The following THSD7B variants were observed in gnomAD, a reference collection of about 807,000 sequenced individuals.
THSD7B encodes the protein thrombospondin type-1 domain-containing protein 7B.
A neutral mutation model predicts 213.6 loss-of-function variants in THSD7B; 138 were observed. That is an observed-to-expected ratio of 0.65 (90% CI 0.56 to 0.74). The LOEUF (loss-of-function observed/expected upper bound fraction) is 0.74. THSD7B is among the 30% of genes least tolerant of loss of function. The pLI, the probability that THSD7B is intolerant of heterozygous loss-of-function variation, is 0.00. For synonymous variants in THSD7B, 742 were observed against 687.0 expected (o/e 1.08, Z -1.25); for missense variants, 1,931 against 1,991.5 (o/e 0.97, Z 0.58).
chr2:137,416,117 A>G (rs776833563), intron 14 of THSD7B, among the ~76,000 whole-genome samples: 1 of 152,156 alleles, frequency 6.6e-6, no homozygotes, highest in African/African-American at 2.4e-5. Context: ...TTTGTCTCCA[A>G]AGTATGTCTT....
At chr2:137,559,813 C>G (rs1045101899) in intron 15 of THSD7B, among the ~76,000 whole-genome samples, 1 of 152,172 alleles carries the variant, frequency 6.6e-6, no homozygotes, top group Non-Finnish European at 1.5e-5. Flanking sequence ...GCAATCTACT[C>G]ATCTGACAAA....
At chr2:137,598,981 C>T (rs1289934931) in intron 17 of THSD7B, among the ~76,000 whole-genome samples, 1 of 150,334 alleles carries the variant, frequency 6.7e-6, no homozygotes, top group African/African-American at 2.5e-5. Flanking sequence ...GCACTGCACC[C>T]ACTAACTCGT....
intron 1 of THSD7B, among the ~76,000 whole-genome samples, chr2:136,835,459 A>G (rs904111355): frequency 1.3e-5 from 2 of 152,240 alleles, no homozygotes; most frequent in African/African-American, 2.4e-5. Context: ...GCAAAGTATC[A>G]TGATATAGAA....
intron 2 of THSD7B, among the ~76,000 whole-genome samples, chr2:137,034,190 G>A (rs62170967): frequency 0.088 from 13,367 of 152,098 alleles, 607 homozygotes; most frequent in Middle Eastern, 0.11. Context: ...TCTTAAGCCA[G>A]CCTATCATTG....
intron 3 of THSD7B, among the ~76,000 whole-genome samples, chr2:137,087,802 TC>T (rs1376845095): frequency 6.6e-6 from 1 of 151,978 alleles, no homozygotes; most frequent in Non-Finnish European, 1.5e-5. Context: ...AAAAAACAAT[TC>T]TAAAATTCAT....
At chr2:137,195,851 A>G (rs2164334) in intron 7 of THSD7B, among the ~76,000 whole-genome samples, 140,599 of 152,160 alleles carry the variant, frequency 0.92, 65,231 homozygotes, top group Middle Eastern at 0.98. Flanking sequence ...GGATATTTAC[A>G]TCATCTGAAA....
chr2:137,665,487 A>G, intron 26 of THSD7B, among the ~76,000 whole-genome samples: 1 of 151,976 alleles, frequency 6.6e-6, no homozygotes, highest in East Asian at 1.9e-4. Context: ...ATAAGTATAT[A>G]TAAAATATAT....
At chr2:136,965,120 G>A (rs968490079) in intron 2 of THSD7B, among the ~76,000 whole-genome samples, 2 of 151,258 alleles carry the variant, frequency 1.3e-5, no homozygotes, top group Non-Finnish European at 2.9e-5. Context: ...ATTTGAAATT[G>A]CTGTTGCTAA....
intron 12 of THSD7B, among the ~76,000 whole-genome samples, chr2:137,374,270 T>G (rs970241897): frequency 1.3e-5 from 2 of 152,192 alleles, no homozygotes; most frequent in African/African-American, 2.4e-5. Flanking sequence ...ACTTTTATTC[T>G]GTGATGTAAA....
chr2:137,580,526 A>T (rs978447030), intron 17 of THSD7B, among the ~76,000 whole-genome samples: 2 of 152,200 alleles, frequency 1.3e-5, no homozygotes, highest in African/African-American at 4.8e-5. Flanking sequence ...TCCTTTCTTG[A>T]TATTCACATT....
intron 12 of THSD7B, among the ~76,000 whole-genome samples, chr2:137,359,639 A>C (rs1685209267): frequency 6.6e-6 from 1 of 152,132 alleles, no homozygotes. Flanking sequence ...ACATTTTAAA[A>C]CAGAATGATA....
At chr2:137,460,504 T>C (rs1242809108) in intron 15 of THSD7B, among the ~76,000 whole-genome samples, 3 of 152,100 alleles carry the variant, frequency 2.0e-5, no homozygotes, top group African/African-American at 7.2e-5. Flanking sequence ...ATGGAGCATT[T>C]GGATTCAAAT....
At chr2:137,421,567 C>A (rs958344835) in intron 14 of THSD7B, among the ~76,000 whole-genome samples, 2 of 152,166 alleles carry the variant, frequency 1.3e-5, no homozygotes, top group African/African-American at 4.8e-5. Flanking sequence ...CTGGGCACAC[C>A]ACCCTCCCCG....
intron 4 of THSD7B, among the ~76,000 whole-genome samples, chr2:137,103,091 T>A (rs1688181449): frequency 6.6e-6 from 1 of 152,130 alleles, no homozygotes; most frequent in Non-Finnish European, 1.5e-5. Context: ...ATCGTCGGAT[T>A]CACCAAGGTT....
intron 1 of THSD7B, among the ~76,000 whole-genome samples, chr2:136,809,655 A>G (rs981570835): frequency 6.6e-6 from 1 of 152,154 alleles, no homozygotes; most frequent in African/African-American, 2.4e-5. Context: ...ATTCTGAATG[A>G]GACTAAAAGT....
At chr2:137,127,234 A>G (rs1688646190) in intron 5 of THSD7B, among the ~76,000 whole-genome samples, 1 of 152,136 alleles carries the variant, frequency 6.6e-6, no homozygotes, top group African/African-American at 2.4e-5. Context: ...GTGAAATAAA[A>G]TGAAGTATGC....
At chr2:137,089,795 G>A (rs965320698) in intron 3 of THSD7B, among the ~76,000 whole-genome samples, 4 of 152,074 alleles carry the variant, frequency 2.6e-5, no homozygotes, top group African/African-American at 9.7e-5. Flanking sequence ...GATCACCTGA[G>A]GTCAGGAATT....
At chr2:137,293,768 T>G (rs2104836364) in intron 12 of THSD7B, among the ~76,000 whole-genome samples, 1 of 152,270 alleles carries the variant, frequency 6.6e-6, no homozygotes, top group African/African-American at 2.4e-5. Flanking sequence ...CCCTTCTTAC[T>G]GCTGCCAATT....
At chr2:137,300,656 A>G (rs1683576103) in intron 12 of THSD7B, among the ~76,000 whole-genome samples, 1 of 152,186 alleles carries the variant, frequency 6.6e-6, no homozygotes. Context: ...GATGATTTAT[A>G]CGAATTCATG....
Sources: gnomAD v4.1 joint callset for allele counts (sites outside exome capture counted in the v4.1 genomes callset) on GRCh38, gnomAD v4.1.1 for gene constraint, MANE v1.5 for transcripts, NCBI Gene and HGNC (gene_info 2026-07-23, HGNC 2026-07-21) for gene names.